The following HMGXB4 variants were observed in gnomAD, a reference collection of about 807,000 sequenced individuals.
HMGXB4 encodes HMG domain-containing protein 4.
HMGXB4 carries 27 observed loss-of-function variants against 63.9 expected under a neutral mutation model. The ratio of observed to expected loss-of-function variants is 0.42; its 90% CI spans 0.31 to 0.58. HMGXB4 has a LOEUF of 0.58. Among genes scored for constraint, HMGXB4 ranks in the 20% least tolerant of loss-of-function variants. The pLI is 0.13. For missense variants in HMGXB4, 624 were observed against 700.7 expected (o/e 0.89, Z 1.24); for synonymous variants, 264 against 265.3 (o/e 0.99, Z 0.05).
In HMGXB4 at chr22:35,266,074, C is replaced by A. The variant is rs533949836; in HGVS notation, c.1215+471C>A. Among the ~76,000 whole-genome samples the A allele has an allele frequency of 7.0e-4, 106 of 152,124 alleles. 3 individuals are homozygous for A. In the Middle Eastern group the frequency reaches 0.014, roughly 20 times the overall value. ...AAAGTGCTAGGATTACAGGCATGAGCCACCATGCCCGGCCTAGGGTTTCTT... is the reference window on the plus strand; with the variant it reads ...AAAGTGCTAGGATTACAGGCATGAGACACCATGCCCGGCCTAGGGTTTCTT... On this transcript the variant is annotated intron_variant, in intron 5 of 10. Transcript: ENST00000216106.
the HMGXB4 span, among the ~76,000 whole-genome samples, chr22:35,243,197 C>G: frequency 6.6e-6 from 1 of 151,984 alleles, no homozygotes; most frequent in Admixed American, 6.6e-5. Flanking sequence ...ATGGTGAAAC[C>G]CTGTCTCTAC....
intron 9 of HMGXB4, among the ~76,000 whole-genome samples, chr22:35,290,630 CAAAAAAAAAAAAA>C (rs767279436): frequency 1.9e-5 from 1 of 52,854 alleles, no homozygotes; most frequent in East Asian, 4.8e-4. Context: ...GACTCCGCCT[CAAAAAAAAAAAAA>C]AAAAAAAAAA....
chr22:35,293,657 A>G lies in HMGXB4; in HGVS notation c.*6A>G, dbSNP rs1925062732. The G allele has an allele frequency of 3.1e-6, 5 of 1,606,430 alleles. No individual in the cohort carries two copies. The South Asian group carries it at 5.5e-5, about 18-fold the overall frequency. On this transcript the variant is annotated 3_prime_UTR_variant, in exon 11 of 11. Transcript: ENST00000216106. ...ACATCATGCCGGGACTGTGACAGCA[A>G]AGAATCCTGGGACAGAAACCTTATC...
intron 5 of HMGXB4, among the ~76,000 whole-genome samples, chr22:35,274,419 A>AG: frequency 6.6e-6 from 1 of 152,336 alleles, no homozygotes; most frequent in East Asian, 1.9e-4. Flanking sequence ...CCTTCTAGGA[A>AG]GGGGCAGGAG....
intron 3 of HMGXB4, among the ~76,000 whole-genome samples, chr22:35,263,440 C>T (rs1271348202): frequency 3.3e-5 from 5 of 152,032 alleles, no homozygotes; most frequent in Admixed American, 6.5e-5. Context: ...CGGGCCACCA[C>T]GCCTGGCCAA....
chr22:35,259,440 A>C (rs1922697574), intron 1 of HMGXB4, among the ~76,000 whole-genome samples: 1 of 152,208 alleles, frequency 6.6e-6, no homozygotes, highest in Admixed American at 6.5e-5. Context: ...TGTGAAAATC[A>C]AACCTAATAT....
the HMGXB4 span, among the ~76,000 whole-genome samples, chr22:35,241,591 G>C: frequency 6.6e-6 from 1 of 152,194 alleles, no homozygotes; most frequent in Non-Finnish European, 1.5e-5. Flanking sequence ...TGAGCTCCCA[G>C]GGCCTCCCTG....
At chr22:35,260,344 ACT>A (rs1254296562) in intron 1 of HMGXB4, among the ~76,000 whole-genome samples, 3 of 152,228 alleles carry the variant, frequency 2.0e-5, no homozygotes, top group African/African-American at 7.2e-5. Flanking sequence ...TTTCTTATAA[ACT>A]CAGTATTTTA....
chr22:35,288,805 A>G (rs1924749412), intron 9 of HMGXB4, among the ~76,000 whole-genome samples: 1 of 152,212 alleles, frequency 6.6e-6, no homozygotes, highest in African/African-American at 2.4e-5. Context: ...CAACACAGTG[A>G]GACTCCATCT....
rs780419370 is a variant in HMGXB4, at chr22:35,292,998, G to A, written c.1645G>A (p.Val549Met). 6 of 1,614,138 alleles carry A rather than the reference G, an allele frequency of 3.7e-6. No homozygotes were observed. Among genetic ancestry groups the A allele is most frequent in the Non-Finnish European group, 4.2e-6 (5 of 1,180,062 alleles). ...AACCTCCTCTCCTTTTCAGGGTATG[G>A]TGGCTGTGTCTGGCAGTTTGTCAGT... is the stretch of plus-strand genomic sequence containing the variant. ...GHRLQETEGM[V>M]AVSGSLSVLL... Residue 549 changes from valine (V) to methionine (M), a missense_variant, in exon 10 of 11, where the codon GTG (valine) becomes ATG (methionine). Physicochemically the swap from Val to Met is conservative, Grantham distance 21. Around this residue, in one of 2 missense-constraint regions of HMGXB4, gnomAD observed 152 missense variants for 230.1 expected, o/e 0.66. Coordinates refer to ENST00000216106, the MANE Select transcript of HMGXB4 (RefSeq NM_001003681.3).
At chr22:35,248,401 CTTTTTTTTTTTTT>C in the HMGXB4 span, among the ~76,000 whole-genome samples, 2 of 102,964 alleles carry the variant, frequency 1.9e-5, no homozygotes, top group Non-Finnish European at 4.1e-5. Flanking sequence ...GAGGTCGGGA[CTTTTTTTTTTTTT>C]TTTTTTTTTG....
upstream of HMGXB4, among the ~76,000 whole-genome samples, chr22:35,257,290 G>T (rs1048662061): frequency 6.6e-6 from 1 of 152,222 alleles, no homozygotes; most frequent in African/African-American, 2.4e-5. Context: ...ATACAGTGAG[G>T]ATTAAGTGAA....
At chr22:35,290,853 T>C (rs536333785) in intron 9 of HMGXB4, among the ~76,000 whole-genome samples, 2 of 152,356 alleles carry the variant, frequency 1.3e-5, no homozygotes, top group East Asian at 3.8e-4. Context: ...GGTTATATTC[T>C]ATTTTTTTAA....
At position 35,263,632 on chromosome 22, in the gene HMGXB4, A is replaced by AG. The variant is rs1923007922; in HGVS notation, c.181-164_181-163insG. 2.6e-5 allele frequency among the ~76,000 whole-genome samples: 4 copies of AG among 152,332 alleles called. No homozygotes were observed. The South Asian group carries it at 8.3e-4, about 32-fold the overall frequency. The stretch of plus-strand genomic sequence containing the variant: ...TTTCCTAATATTTGAAGAAGGAAGT[A>AG]TTTTTTAATAACTTGAGAAAAGAAA... On this transcript the variant is annotated intron_variant, in intron 3 of 10. Coordinates refer to ENST00000216106, the MANE Select transcript of HMGXB4 (RefSeq NM_001003681.3).
chr22:35,290,630 CAAA>C (rs767279436), intron 9 of HMGXB4, among the ~76,000 whole-genome samples: 5 of 52,854 alleles, frequency 9.5e-5, no homozygotes, highest in Non-Finnish European at 2.1e-4. Flanking sequence ...GACTCCGCCT[CAAA>C]AAAAAAAAAA....
chr22:35,262,865 A>G, intron 2 of HMGXB4: 1 of 589,850 alleles, frequency 1.7e-6, no homozygotes, highest in South Asian at 2.1e-5. Flanking sequence ...ATAGCATGGA[A>G]ACATTGTTTC....
At chr22:35,263,032 A>G in intron 2 of HMGXB4, 46 bp from the exon 3 acceptor site, 1 of 1,582,950 alleles carries the variant, frequency 6.3e-7, no homozygotes, top group Non-Finnish European at 8.6e-7. Context: ...GTCATTACTT[A>G]CTTGACTTTC....
At chr22:35,249,071 T>G in the HMGXB4 span, among the ~76,000 whole-genome samples, 2 of 152,202 alleles carry the variant, frequency 1.3e-5, no homozygotes, top group African/African-American at 4.8e-5. Context: ...TCTTTTCTTT[T>G]TTTTTGAGGC....
At chr22:35,266,881 G>A (rs1210001180) in intron 5 of HMGXB4, among the ~76,000 whole-genome samples, 1 of 152,152 alleles carries the variant, frequency 6.6e-6, no homozygotes, top group African/African-American at 2.4e-5. Context: ...CTACTCAGGA[G>A]ATTGAGGTGA....
Sources: gnomAD v4.1 joint callset for allele counts (sites outside exome capture counted in the v4.1 genomes callset) on GRCh38, gnomAD v4.1.1 for gene constraint, gnomAD v4.1.1 regional missense constraint, MANE v1.5 for transcripts, NCBI Gene and HGNC (gene_info 2026-07-23, HGNC 2026-07-21) for gene names.